Variants in MYOM2 observed in about 807,000 individuals in gnomAD.
MYOM2 encodes myomesin 2.
In MYOM2, 254 loss-of-function variants were observed where a neutral mutation model predicts 187.6. The observed-to-expected ratio is 1.35, with a 90% confidence interval of 1.22 to 1.50. The LOEUF (loss-of-function observed/expected upper bound fraction) is 1.50. Among genes scored for constraint, MYOM2 ranks in the 40% most tolerant of loss-of-function variants. The pLI, the probability that MYOM2 is intolerant of heterozygous loss-of-function variation, is 0.00. For missense variants in MYOM2, 2,796 were observed against 1,924.0 expected (o/e 1.45, Z -8.48); for synonymous variants, 981 against 753.8 (o/e 1.30, Z -4.94).
intron 32 of MYOM2, among the ~76,000 whole-genome samples, chr8:2,139,023 CACACT>C (rs1798181094): frequency 2.2e-5 from 3 of 136,122 alleles, no homozygotes; most frequent in South Asian, 2.7e-4. Flanking sequence ...AGACCCGACA[CACACT>C]GCCAGCACCA....
chr8:2,053,500 T>G (rs1401814836), intron 3 of MYOM2, among the ~76,000 whole-genome samples: 1 of 152,230 alleles, frequency 6.6e-6, no homozygotes, highest in African/African-American at 2.4e-5. Flanking sequence ...TTGAACATAT[T>G]GCATAAACTT....
rs377289264 is a variant in MYOM2, at chr8:2,123,262, C to A, written c.3464C>A (p.Thr1155Asn). The part of the protein sequence containing the change: ...EVRLVCKVAN[T>N]KKETVFKWLK... ...CTTTCTACCTCACAGGTTGCAAACA[C>A]CAAGAAAGAAACCGTTTTCAAATGG... The change falls in exon 29 of 37, where the codon ACC becomes AAC. Residue 1155 changes from threonine (T) to asparagine (N), a missense_variant. By Grantham distance (65) the Thr-to-Asn change is moderately conservative. Transcript: ENST00000262113. The A allele has an allele frequency of 9.3e-6, 15 of 1,611,912 alleles. No individual in the cohort carries two copies. The African/African-American group carries it at 1.7e-4, about 19-fold the overall frequency.
Position 2,102,676 on chromosome 8 carries a change from C to G in MYOM2, c.2629C>G (p.Leu877Val), listed in dbSNP as rs765372688. Residue 877 changes from leucine (L) to valine (V), a missense_variant, in exon 21 of 37, where the codon CTG (leucine) becomes GTG (valine). Coordinates refer to ENST00000262113, the MANE Select transcript of MYOM2 (RefSeq NM_003970.4). ...TASRYLKVSD[L>V]QQGKTYVFRV... ...CCTCTGTTGTTTCAAGGTCTCTGAC[C>G]TGCAGCAAGGTAAGACCTATGTCTT... 9 of 1,610,308 alleles carry G rather than the reference C, an allele frequency of 5.6e-6. No homozygotes were observed. Among genetic ancestry groups the G allele is most frequent in the Non-Finnish European group, 5.9e-6 (7 of 1,176,782 alleles).
At chr8:2,070,508 T>C (rs1819178032) in intron 8 of MYOM2, among the ~76,000 whole-genome samples, 1 of 152,118 alleles carries the variant, frequency 6.6e-6, no homozygotes, top group South Asian at 2.1e-4. Context: ...GAGATCTGGG[T>C]GTCTGTGTGT....
At position 2,078,773 on chromosome 8, in the gene MYOM2, T is replaced by G; in HGVS notation, c.1302T>G (p.Asp434Glu). The G allele has an allele frequency of 1.2e-6, 2 of 1,614,196 alleles. No individual in the cohort carries two copies. Among genetic ancestry groups the G allele is most frequent in the South Asian group, 2.2e-5 (2 of 91,086 alleles). ...CGAATAATTGGGTGCAGTGCAATGA[T>G]GCACCGGTGAAAATCTGCAAATACC... ...VGTNNWVQCN[D>E]APVKICKYPV... The change falls in exon 12 of 37, where the codon GAT becomes GAG. Residue 434 changes from aspartate to glutamate, a missense_variant. By Grantham distance (45) the Asp-to-Glu change is conservative (BLOSUM62 2). Coordinates refer to ENST00000262113, the MANE Select transcript of MYOM2 (RefSeq NM_003970.4).
At chr8:2,082,927 A>C (rs1819678464) in intron 13 of MYOM2, among the ~76,000 whole-genome samples, 1 of 152,148 alleles carries the variant, frequency 6.6e-6, no homozygotes. Flanking sequence ...TGAGGGAACA[A>C]AATACAGAAG....
Position 2,085,350 on chromosome 8 carries a change from C to T in MYOM2, c.1604C>T (p.Thr535Ile), listed in dbSNP as rs143424454. Residue 535 changes from threonine (T) to isoleucine (I), a missense_variant, in exon 14 of 37, where the codon ACT becomes ATT. By Grantham distance (89) the Thr-to-Ile change is moderately conservative. Coordinates refer to ENST00000262113, the MANE Select transcript of MYOM2 (RefSeq NM_003970.4). ...GTCGTCCTCAGCTGGGAGCCACCCA[C>T]TCCCCGTGGCAAGGACCCGCTCATG... ...NYVVLSWEPP[T>I]PRGKDPLMYF... 9.9e-6 allele frequency: 16 copies of T among 1,613,930 alleles called. No homozygotes were observed. The highest frequency in any genetic ancestry group is 5.0e-5 in the Admixed American group (3 of 59,978).
intron 14 of MYOM2, among the ~76,000 whole-genome samples, chr8:2,089,688 T>G (rs1796227646): frequency 6.6e-6 from 1 of 152,252 alleles, no homozygotes; most frequent in African/African-American, 2.4e-5. Context: ...TTTCATTATT[T>G]GCAGGTTAGT....
At chr8:2,058,795 G>T (rs772877451) in intron 5 of MYOM2, among the ~76,000 whole-genome samples, 1 of 152,118 alleles carries the variant, frequency 6.6e-6, no homozygotes, top group Non-Finnish European at 1.5e-5. Context: ...GTTAGGTCCC[G>T]CAGAACTCCC....
At chr8:2,060,952 T>C (rs1023932950) in intron 6 of MYOM2, among the ~76,000 whole-genome samples, 1 of 151,436 alleles carries the variant, frequency 6.6e-6, no homozygotes, top group Non-Finnish European at 1.5e-5. Flanking sequence ...GGGAAATTAC[T>C]AGGGGGAGAT....
intron 28 of MYOM2, 62 bp from the exon 29 acceptor site, chr8:2,123,190 A>G: frequency 8.9e-7 from 1 of 1,122,882 alleles, no homozygotes; most frequent in Non-Finnish European, 1.3e-6. Context: ...ATTCTAATAG[A>G]CTTTCTTTTT....
rs752195730 is a variant in MYOM2 at position 2,052,331 on chromosome 8, C to G, written c.263+18C>G. On this transcript the variant is annotated intron_variant, in intron 3 of 36. Coordinates refer to ENST00000262113, the MANE Select transcript of MYOM2 (RefSeq NM_003970.4). The stretch of plus-strand genomic sequence containing the variant: ...AGAAGCAGGTGAGCACATGGCTTCC[C>G]TGACTCCACTTGTGCCCTGCGTGGG... 2 of 1,585,264 alleles carry G rather than the reference C, an allele frequency of 1.3e-6. No individual in the cohort carries two copies. The highest frequency in any genetic ancestry group is 1.7e-6 in the Non-Finnish European group (2 of 1,164,724).
intron 25 of MYOM2, among the ~76,000 whole-genome samples, chr8:2,112,158 G>A (rs1797088126): frequency 1.3e-5 from 2 of 152,052 alleles, no homozygotes; most frequent in African/African-American, 4.8e-5. Flanking sequence ...ACACCAGCAG[G>A]GACAGAACAG....
chr8:2,071,405 C>T (rs1216129717), intron 8 of MYOM2, among the ~76,000 whole-genome samples: 1 of 152,086 alleles, frequency 6.6e-6, no homozygotes, highest in African/African-American at 2.4e-5. Context: ...TGTACTTCTC[C>T]CCCTACCACA....
In MYOM2 at chr8:2,094,007, A is replaced by AT; in HGVS notation, c.2042dup (p.Phe682LeufsTer13). The stretch of plus-strand genomic sequence containing the variant: ...CGGCTTAACCACGGGAGAGCAGTAC[A>AT]TCTTCCGAGTCAAGGCGGTCAATGC... On this transcript the variant is annotated frameshift_variant, in exon 17 of 37. Coordinates refer to ENST00000262113, the MANE Select transcript of MYOM2 (RefSeq NM_003970.4). LOFTEE classifies it high-confidence loss of function. 6.2e-7 allele frequency: 1 copy of AT among 1,614,156 alleles called. No individual in the cohort carries two copies. Among genetic ancestry groups the AT allele is most frequent in the East Asian group, 2.2e-5 (1 of 44,884 alleles).
intron 1 of MYOM2, among the ~76,000 whole-genome samples, chr8:2,048,927 C>A (rs539401417): frequency 1.3e-5 from 2 of 151,826 alleles, no homozygotes; most frequent in Non-Finnish European, 2.9e-5. Flanking sequence ...GTAGCTGGGA[C>A]TACAGGGGAC....
At chr8:2,106,672 G>A in intron 23 of MYOM2, 75 bp downstream of exon 23, 1 of 1,102,948 alleles carries the variant, frequency 9.1e-7, no homozygotes, top group Non-Finnish European at 1.3e-6. Context: ...ACATAGAAAA[G>A]ACTTACTTGC....
intron 33 of MYOM2, 55 bp downstream of exon 33, chr8:2,140,941 A>T: frequency 6.5e-7 from 1 of 1,533,740 alleles, no homozygotes; most frequent in Non-Finnish European, 8.9e-7. Flanking sequence ...ATCCATTTAG[A>T]TGCTGAAGGG....
intron 10 of MYOM2, among the ~76,000 whole-genome samples, chr8:2,075,490 A>G (rs1819386256): frequency 6.6e-6 from 1 of 152,200 alleles, no homozygotes. Context: ...TGTGAGCAGG[A>G]AACTGGATAG....
Sources: gnomAD v4.1 joint callset for allele counts (sites outside exome capture counted in the v4.1 genomes callset) on GRCh38, gnomAD v4.1.1 for gene constraint, MANE v1.5 for transcripts, NCBI Gene and HGNC (gene_info 2026-07-23, HGNC 2026-07-21) for gene names.